The following CADM2 variants were observed in gnomAD, a reference collection of about 807,000 sequenced individuals.
CADM2 encodes immunoglobulin superfamily member 4D.
A neutral mutation model predicts 49.8 loss-of-function variants in CADM2; 12 were observed. The ratio of observed to expected loss-of-function variants is 0.24; its 90% CI spans 0.15 to 0.39. The LOEUF (loss-of-function observed/expected upper bound fraction) is 0.39. Ranked by LOEUF, CADM2 falls within the 10% of genes least tolerant of loss-of-function variation. The pLI, the probability that CADM2 is intolerant of heterozygous loss-of-function variation, is 1.00. For synonymous variants in CADM2, 214 were observed against 175.4 expected, an observed-to-expected ratio of 1.22 and a Z score of -1.74; for missense variants, 378 against 492.3, an observed-to-expected ratio of 0.77 and a Z score of 2.20.
chr3:85,359,666 A>ATATATATATATATTTTTTTTTTTT, intron 1 of CADM2, among the ~76,000 whole-genome samples: 2 of 26,554 alleles, frequency 7.5e-5, no homozygotes, highest in East Asian at 1.3e-3. Context: ...ATATATATAT[A>ATATATATATATATTTTTTTTTTTT]TTTTTTTTTT....
chr3:85,776,424 G>A (rs1437649844), intron 2 of CADM2, among the ~76,000 whole-genome samples: 2 of 151,598 alleles, frequency 1.3e-5, no homozygotes, highest in Admixed American at 6.6e-5. Context: ...GAATACTACT[G>A]AAGTCAAATC....
intron 1 of CADM2, among the ~76,000 whole-genome samples, chr3:85,157,839 T>C (rs947974636): frequency 6.6e-6 from 1 of 152,044 alleles, no homozygotes; most frequent in Non-Finnish European, 1.5e-5. Context: ...AATTGACAAA[T>C]GGGATCTAAT....
At chr3:85,158,166 G>A (rs1245915451) in intron 1 of CADM2, among the ~76,000 whole-genome samples, 2 of 152,150 alleles carry the variant, frequency 1.3e-5, no homozygotes, top group Non-Finnish European at 2.9e-5. Context: ...AGTTAGAATG[G>A]CAATCATTAA....
chr3:85,710,718 G>A (rs772500699), intron 1 of CADM2, among the ~76,000 whole-genome samples: 2 of 152,150 alleles, frequency 1.3e-5, no homozygotes, highest in African/African-American at 2.4e-5. Flanking sequence ...TTTAGCGCAT[G>A]AGTCAGAATG....
chr3:85,164,601 A>G (rs570508719), intron 1 of CADM2, among the ~76,000 whole-genome samples: 2 of 152,152 alleles, frequency 1.3e-5, no homozygotes, highest in South Asian at 4.1e-4. Context: ...TGTTAGGCAG[A>G]CATCTCCTGA....
In CADM2 at chr3:85,039,368, A is replaced by AT. The variant is rs11348826; in HGVS notation, c.61+79715dup. On this transcript the variant is annotated intron_variant, in intron 1 of 9. Coordinates refer to ENST00000383699, the MANE Select transcript of CADM2 (RefSeq NM_001167675.2). The stretch of plus-strand genomic sequence containing the variant: ...TTTTCTGTGATTTCTAAGATAATGT[A>AT]TTTTTTTTTTTTTTTGGCTTAAGCT... Among the ~76,000 whole-genome samples the AT allele has an allele frequency of 2.6e-3, 386 of 145,958 alleles. 3 individuals carry two copies. In the Middle Eastern group the frequency reaches 0.033, roughly 13 times the overall value.
At chr3:85,775,495 G>T (rs1255073607) in intron 2 of CADM2, among the ~76,000 whole-genome samples, 1 of 151,696 alleles carries the variant, frequency 6.6e-6, no homozygotes, top group Non-Finnish European at 1.5e-5. Context: ...TGACTATATT[G>T]TAGCTTTATA....
intron 1 of CADM2, among the ~76,000 whole-genome samples, chr3:85,611,670 A>G (rs1034619171): frequency 2.0e-5 from 3 of 151,386 alleles, no homozygotes; most frequent in Non-Finnish European, 4.4e-5. Context: ...TCCCTGAACT[A>G]TTCCTTGGAA....
At chr3:85,072,143 A>G (rs1038528432) in intron 1 of CADM2, among the ~76,000 whole-genome samples, 4 of 151,882 alleles carry the variant, frequency 2.6e-5, no homozygotes, top group Non-Finnish European at 5.9e-5. Flanking sequence ...AATAATTATT[A>G]TGAATAAAAT....
intron 2 of CADM2, among the ~76,000 whole-genome samples, chr3:85,737,845 A>G (rs574558323): frequency 6.4e-4 from 98 of 152,192 alleles, no homozygotes; most frequent in Non-Finnish European, 1.2e-3. Flanking sequence ...GGCGTGAGCC[A>G]CTGTGCCAGG....
chr3:85,229,324 G>A (rs2042231727), intron 1 of CADM2, among the ~76,000 whole-genome samples: 1 of 152,144 alleles, frequency 6.6e-6, no homozygotes, highest in Non-Finnish European at 1.5e-5. Flanking sequence ...TGGGAAAAGT[G>A]CAGTATCTGG....
intron 3 of CADM2, among the ~76,000 whole-genome samples, chr3:85,870,351 C>G (rs2075880946): frequency 1.3e-5 from 2 of 151,786 alleles, no homozygotes; most frequent in African/African-American, 4.8e-5. Flanking sequence ...ATTTTGCCAC[C>G]AAAGTCTTGA....
At chr3:85,933,734 C>T (rs1251333297) in intron 6 of CADM2, among the ~76,000 whole-genome samples, 1 of 152,030 alleles carries the variant, frequency 6.6e-6, no homozygotes, top group Non-Finnish European at 1.5e-5. Context: ...TGATATAGTT[C>T]CAGTCCAAAG....
intron 1 of CADM2, among the ~76,000 whole-genome samples, chr3:85,235,076 C>T (rs748842961): frequency 1.3e-5 from 2 of 151,992 alleles, no homozygotes; most frequent in African/African-American, 4.8e-5. Flanking sequence ...TGTTCTCTGA[C>T]TCTTCCTCTG....
intron 2 of CADM2, among the ~76,000 whole-genome samples, chr3:85,781,147 G>T (rs2070621130): frequency 1.3e-5 from 2 of 152,120 alleles, no homozygotes; most frequent in Admixed American, 6.6e-5. Context: ...TTTTCCTTTT[G>T]TGTCGGTACT....
intron 1 of CADM2, among the ~76,000 whole-genome samples, chr3:85,143,601 T>A (rs2039643974): frequency 6.6e-6 from 1 of 152,236 alleles, no homozygotes; most frequent in South Asian, 2.1e-4. Flanking sequence ...ATAACTTGTG[T>A]GAATGATAAG....
rs910605799 is a variant in CADM2 at position 85,883,194 on chromosome 3, A to G, written c.239-97A>G. 10 of 925,636 alleles carry G rather than the reference A, an allele frequency of 1.1e-5. No homozygotes were observed. In the African/African-American group the frequency reaches 1.3e-4, roughly 12 times the overall value. 57.3% of individuals were successfully genotyped at this position (925,636 alleles called of 1,614,324 possible). On this transcript the variant is annotated intron_variant, in intron 3 of 9. Transcript: ENST00000383699. Reference sequence around the variant, plus strand: ...AAATAAGATTTGAATGTATGGCCAAAGAAAACATTTATTGTATTGTGTTGA... The same window carrying G: ...AAATAAGATTTGAATGTATGGCCAAGGAAAACATTTATTGTATTGTGTTGA...
intron 1 of CADM2, among the ~76,000 whole-genome samples, chr3:85,181,745 C>T (rs1396255339): frequency 6.6e-6 from 1 of 151,146 alleles, no homozygotes; most frequent in Non-Finnish European, 1.5e-5. Flanking sequence ...ATTTTTTTCC[C>T]ATTGATTTAT....
chr3:85,732,377 GA>G (rs1198238305), intron 2 of CADM2, among the ~76,000 whole-genome samples: 1 of 152,126 alleles, frequency 6.6e-6, no homozygotes, highest in Non-Finnish European at 1.5e-5. Flanking sequence ...TTCTACACAA[GA>G]CTGATCTAAG....
Sources: allele counts gnomAD v4.1 joint callset (sites outside exome capture counted in the v4.1 genomes callset), GRCh38; gene constraint gnomAD v4.1.1; transcripts MANE v1.5; gene names NCBI Gene and HGNC (gene_info 2026-07-23, HGNC 2026-07-21).